LGSN: variants seen among roughly 807,000 people sequenced by gnomAD.
The protein encoded by LGSN is lengsin.
Under a neutral mutation model 19.5 loss-of-function variants are expected in LGSN, and 21 were observed. The observed-to-expected ratio is 1.07, with a 90% CI of 0.76 to 1.55. The LOEUF (loss-of-function observed/expected upper bound fraction) is 1.55, where lower values mean the gene tolerates loss of function less well. LGSN is among the 40% of genes most tolerant of loss of function. LGSN has a pLI of 0.00. For synonymous variants in LGSN, 257 were observed against 215.6 expected, an observed-to-expected ratio of 1.19 and a Z score of -1.68; for missense variants, 673 against 608.5, an observed-to-expected ratio of 1.11 and a Z score of -1.12.
At chr6:63,533,393 C>T in the LGSN span, among the ~76,000 whole-genome samples, 5 of 151,834 alleles carry the variant, frequency 3.3e-5, no homozygotes, top group Non-Finnish European at 5.9e-5. Context: ...AAAAAGAAAA[C>T]AATAAGATGA....
At chr6:63,425,702 T>C in the LGSN span, among the ~76,000 whole-genome samples, 1 of 152,038 alleles carries the variant, frequency 6.6e-6, no homozygotes, top group Non-Finnish European at 1.5e-5. Flanking sequence ...TCTTGGTGGG[T>C]GGCTGATGGC....
chr6:63,439,530 A>T, the LGSN span, among the ~76,000 whole-genome samples: 1,599 of 151,678 alleles, frequency 0.011, 16 homozygotes, highest in African/African-American at 0.033. Context: ...AAAAAAAAAA[A>T]TTTTTTTAAA....
At chr6:63,529,147 A>G in the LGSN span, among the ~76,000 whole-genome samples, 1 of 121,588 alleles carries the variant, frequency 8.2e-6, no homozygotes, top group Admixed American at 8.5e-5. Flanking sequence ...GTATATATAT[A>G]TGTATATATA....
the LGSN span, among the ~76,000 whole-genome samples, chr6:63,538,749 A>G: frequency 0.086 from 13,155 of 152,286 alleles, 610 homozygotes; most frequent in East Asian, 0.16. Flanking sequence ...TTGTTAAAAC[A>G]CAGACTGATG....
the LGSN span, chr6:63,548,692 ACT>A: frequency 1.8e-6 from 1 of 559,838 alleles, no homozygotes; most frequent in South Asian, 2.2e-5. Flanking sequence ...TGTACAGAAA[ACT>A]CAACAGTGTA....
the LGSN span, among the ~76,000 whole-genome samples, chr6:63,377,913 C>CAAAAAA: frequency 1.3e-3 from 71 of 54,212 alleles, no homozygotes; most frequent in African/African-American, 1.9e-3. Context: ...GACTCCATCT[C>CAAAAAA]AAAAAAAAAA....
At chr6:63,319,433 CTGAT>C (rs1312386002) in intron 1 of LGSN, among the ~76,000 whole-genome samples, 1 of 152,148 alleles carries the variant, frequency 6.6e-6, no homozygotes, top group African/African-American at 2.4e-5. Flanking sequence ...ATGTTGACAA[CTGAT>C]TATTTTAATA....
At chr6:63,544,057 T>C in the LGSN span, among the ~76,000 whole-genome samples, 1 of 152,190 alleles carries the variant, frequency 6.6e-6, no homozygotes, top group Non-Finnish European at 1.5e-5. Context: ...CCGTATTTCA[T>C]GTAGAGGAGT....
chr6:63,400,112 G>A, the LGSN span, among the ~76,000 whole-genome samples: 1 of 152,128 alleles, frequency 6.6e-6, no homozygotes, highest in Admixed American at 6.5e-5. Flanking sequence ...TCAGTATCGT[G>A]AAGATGGCCT....
At chr6:63,316,240 G>A (rs775051157) in intron 1 of LGSN, among the ~76,000 whole-genome samples, 14 of 152,132 alleles carry the variant, frequency 9.2e-5, no homozygotes, top group African/African-American at 2.7e-4. Context: ...ATAGAGCAAC[G>A]ATCATTACTG....
the LGSN span, among the ~76,000 whole-genome samples, chr6:63,569,939 T>C: frequency 6.6e-6 from 1 of 152,246 alleles, no homozygotes; most frequent in Admixed American, 6.5e-5. Flanking sequence ...GATGTTCTAC[T>C]GTTCTCCAAG....
the LGSN span, among the ~76,000 whole-genome samples, chr6:63,496,195 G>A: frequency 6.6e-6 from 1 of 152,210 alleles, no homozygotes; most frequent in Non-Finnish European, 1.5e-5. Context: ...AAAGTGCTGG[G>A]ATTACAGGCG....
chr6:63,520,589 C>T, the LGSN span, among the ~76,000 whole-genome samples: 1 of 151,410 alleles, frequency 6.6e-6, no homozygotes, highest in East Asian at 1.9e-4. Flanking sequence ...CAAGATCATG[C>T]CACTTCACTC....
At chr6:63,367,789 T>C in the LGSN span, among the ~76,000 whole-genome samples, 2 of 151,282 alleles carry the variant, frequency 1.3e-5, no homozygotes, top group Admixed American at 6.6e-5. Context: ...TTGTCCTTTG[T>C]AGGGACATGG....
At chr6:63,570,327 T>C in the LGSN span, among the ~76,000 whole-genome samples, 4 of 152,304 alleles carry the variant, frequency 2.6e-5, no homozygotes, top group South Asian at 8.3e-4. Flanking sequence ...CAAGACTCCA[T>C]CTCAAATAAA....
At chr6:63,314,301 A>G (rs1363847447) in intron 1 of LGSN, among the ~76,000 whole-genome samples, 2 of 152,200 alleles carry the variant, frequency 1.3e-5, no homozygotes, top group African/African-American at 4.8e-5. Context: ...CATATAGGAT[A>G]CAAGAATATG....
At chr6:63,503,681 G>A in the LGSN span, among the ~76,000 whole-genome samples, 2 of 152,306 alleles carry the variant, frequency 1.3e-5, no homozygotes, top group African/African-American at 2.4e-5. Context: ...CTGGGAGGGC[G>A]AGGCTGGTGG....
At chr6:63,489,144 T>C in the LGSN span, among the ~76,000 whole-genome samples, 9 of 152,292 alleles carry the variant, frequency 5.9e-5, no homozygotes, top group Non-Finnish European at 1.0e-4. Context: ...ATTTTAGATG[T>C]GGGAAATGGG....
chr6:63,341,028 CA>C, the LGSN span, among the ~76,000 whole-genome samples: 1 of 152,136 alleles, frequency 6.6e-6, no homozygotes, highest in Admixed American at 6.5e-5. Flanking sequence ...GTGTAGTCTC[CA>C]TATGATTTCT....
Sources: gnomAD v4.1 joint callset for allele counts (sites outside exome capture counted in the v4.1 genomes callset) on GRCh38, gnomAD v4.1.1 for gene constraint, MANE v1.5 for transcripts, NCBI Gene and HGNC (gene_info 2026-07-23, HGNC 2026-07-21) for gene names.